The following FARS2 variants were observed in gnomAD, a reference collection of about 807,000 sequenced individuals.
The protein encoded by FARS2 is phenylalanyl-tRNA synthetase 2, mitochondrial.
FARS2 carries 40 observed loss-of-function variants against 46.4 expected under a neutral mutation model. The observed-to-expected ratio is 0.86, with a 90% CI of 0.67 to 1.12. The LOEUF is 1.12. Among genes scored for constraint, FARS2 ranks in the 50% most tolerant of loss-of-function variants. The probability of loss-of-function intolerance (pLI) is 0.00; values close to 1 mark genes in which losing one functional copy is unlikely to be tolerated. For synonymous variants in FARS2, 234 were observed against 214.9 expected (o/e 1.09, Z -0.78); for missense variants, 513 against 567.9 (o/e 0.90, Z 0.98).
rs1195279552 is a variant in FARS2 at position 5,717,933 on chromosome 6, T to TAGAGAGAGAGAGAGAGAG, written c.1218-53357_1218-53356insGAGAGAGAGAGAGAGAGA. On this transcript the variant is annotated intron_variant, in intron 6 of 6. Transcript: ENST00000274680. ...CTATATATATATATATATATATATA[T>TAGAGAGAGAGAGAGAGAG]ATACAGAGTCTCACTCTGTCGCCCA... is the stretch of plus-strand genomic sequence containing the variant. Among the ~76,000 whole-genome samples, 780 of 128,228 alleles carry TAGAGAGAGAGAGAGAGAG rather than the reference T, an allele frequency of 6.1e-3. 13 individuals carry two copies. Among genetic ancestry groups the TAGAGAGAGAGAGAGAGAG allele is most frequent in the Middle Eastern group, 0.019 (5 of 262 alleles). The allele number at this position is 128,228 out of a possible 152,430, so 84.1% of individuals were successfully genotyped here. A position where few individuals can be genotyped will look rare whatever the true frequency, so the allele number is the denominator to read the frequency against.
intron 6 of FARS2, among the ~76,000 whole-genome samples, chr6:5,752,504 A>G (rs910302553): frequency 1.3e-5 from 2 of 152,196 alleles, no homozygotes; most frequent in Non-Finnish European, 2.9e-5. Flanking sequence ...TGGCTATAGC[A>G]AAGTCTCGCT....
chr6:5,564,208 TGTG>T (rs1398656171), intron 5 of FARS2, among the ~76,000 whole-genome samples: 1 of 152,138 alleles, frequency 6.6e-6, no homozygotes, highest in East Asian at 1.9e-4. Flanking sequence ...TTCCCACAAG[TGTG>T]GTGTGGGTAG....
At chr6:5,734,042 A>G (rs974777373) in intron 6 of FARS2, among the ~76,000 whole-genome samples, 5 of 152,236 alleles carry the variant, frequency 3.3e-5, no homozygotes, top group African/African-American at 7.2e-5. Context: ...GGGATCCAAG[A>G]GTGCTAAACT....
At chr6:5,316,100 G>A (rs1251940225) in intron 1 of FARS2, among the ~76,000 whole-genome samples, 1 of 152,202 alleles carries the variant, frequency 6.6e-6, no homozygotes, top group African/African-American at 2.4e-5. Context: ...GGTTTTAGAA[G>A]TTATTTATAA....
chr6:5,499,329 T>C (rs2150377544), intron 4 of FARS2, among the ~76,000 whole-genome samples: 1 of 152,212 alleles, frequency 6.6e-6, no homozygotes, highest in South Asian at 2.1e-4. Flanking sequence ...GCTTCCCTAG[T>C]GGTTTTATTA....
At chr6:5,552,368 G>A (rs1335671759) in intron 5 of FARS2, among the ~76,000 whole-genome samples, 1 of 152,194 alleles carries the variant, frequency 6.6e-6, no homozygotes, top group African/African-American at 2.4e-5. Flanking sequence ...CCCTGGCCAG[G>A]AAACTCTGGA....
At chr6:5,413,624 A>G (rs1050880753) in intron 3 of FARS2, among the ~76,000 whole-genome samples, 1 of 152,182 alleles carries the variant, frequency 6.6e-6, no homozygotes, top group African/African-American at 2.4e-5. Context: ...AAAGTTAGTT[A>G]TCAGAACTCT....
chr6:5,520,449 C>T (rs2150424184), intron 4 of FARS2, among the ~76,000 whole-genome samples: 1 of 152,250 alleles, frequency 6.6e-6, no homozygotes, highest in African/African-American at 2.4e-5. Context: ...GTGACCTGTC[C>T]TGTTACAGGA....
chr6:5,741,300 G>A (rs968158002), intron 6 of FARS2, among the ~76,000 whole-genome samples: 7 of 152,196 alleles, frequency 4.6e-5, no homozygotes, highest in East Asian at 1.9e-4. Flanking sequence ...CTGACTGCAC[G>A]GGAGATGCAC....
At chr6:5,289,148 G>A (rs906663566) in intron 1 of FARS2, among the ~76,000 whole-genome samples, 2 of 152,178 alleles carry the variant, frequency 1.3e-5, no homozygotes, top group Non-Finnish European at 2.9e-5. Context: ...CACTTAACAT[G>A]TAACATGAAT....
At chr6:5,409,073 A>G (rs1408457504) in intron 3 of FARS2, among the ~76,000 whole-genome samples, 1 of 152,212 alleles carries the variant, frequency 6.6e-6, no homozygotes, top group East Asian at 1.9e-4. Context: ...TTTCCTTACA[A>G]AAAACAATTT....
At chr6:5,641,061 A>G (rs1385966241) in intron 6 of FARS2, among the ~76,000 whole-genome samples, 1 of 152,140 alleles carries the variant, frequency 6.6e-6, no homozygotes, top group Non-Finnish European at 1.5e-5. Flanking sequence ...CCAGCTTGTC[A>G]TCCTCTGGGG....
intron 6 of FARS2, among the ~76,000 whole-genome samples, chr6:5,673,112 T>C (rs1303522562): frequency 6.6e-6 from 1 of 152,152 alleles, no homozygotes; most frequent in African/African-American, 2.4e-5. Flanking sequence ...GTGCTTCCCA[T>C]TGAGGAAAGG....
chr6:5,260,773 G>A (rs1322132167), upstream of FARS2: 3 of 1,537,428 alleles, frequency 2.0e-6, no homozygotes, highest in East Asian at 2.4e-5. Flanking sequence ...TCTTCGCCGA[G>A]GTCCCAAGTA....
chr6:5,405,048 C>T (rs149654145), intron 3 of FARS2, among the ~76,000 whole-genome samples: 193 of 152,150 alleles, frequency 1.3e-3, no homozygotes, highest in African/African-American at 4.5e-3. Context: ...CCGCCCACCT[C>T]GGCCTCCCAA....
intron 6 of FARS2, among the ~76,000 whole-genome samples, chr6:5,634,252 A>G (rs1481371031): frequency 6.6e-6 from 1 of 152,240 alleles, no homozygotes; most frequent in Admixed American, 6.5e-5. Flanking sequence ...CAGATAATTT[A>G]CAATAAGTGA....
chr6:5,284,970 C>G (rs1267261569), intron 1 of FARS2, among the ~76,000 whole-genome samples: 1 of 152,198 alleles, frequency 6.6e-6, no homozygotes, highest in Admixed American at 6.5e-5. Context: ...GTCACCCCCA[C>G]CCCAAGTCAG....
At chr6:5,428,165 T>G (rs978240541) in intron 3 of FARS2, among the ~76,000 whole-genome samples, 1 of 152,208 alleles carries the variant, frequency 6.6e-6, no homozygotes, top group Non-Finnish European at 1.5e-5. Context: ...TAATCAACAC[T>G]TGTAATTGTT....
At chr6:5,623,307 A>G (rs1482476333) in intron 6 of FARS2, among the ~76,000 whole-genome samples, 2 of 152,252 alleles carry the variant, frequency 1.3e-5, no homozygotes, top group Non-Finnish European at 2.9e-5. Flanking sequence ...CCAAATGCAT[A>G]TAACTGGGAA....
Sources: allele counts gnomAD v4.1 joint callset (sites outside exome capture counted in the v4.1 genomes callset), GRCh38; gene constraint gnomAD v4.1.1; transcripts MANE v1.5; gene names NCBI Gene and HGNC (gene_info 2026-07-23, HGNC 2026-07-21).